TM9SF3: variants seen among roughly 807,000 people sequenced by gnomAD.
The protein encoded by TM9SF3 is transmembrane 9 superfamily member 3, also known as SM-11044-binding protein.
In TM9SF3, 14 loss-of-function variants were observed where a neutral mutation model predicts 78.6. That is an observed-to-expected ratio of 0.18 (90% CI 0.12 to 0.28). TM9SF3 has a LOEUF of 0.28. TM9SF3 is among the 10% of genes least tolerant of loss of function. The pLI, the probability that TM9SF3 is intolerant of heterozygous loss-of-function variation, is 1.00. For missense variants in TM9SF3, 496 were observed against 721.9 expected, an observed-to-expected ratio of 0.69 and a Z score of 3.59; for synonymous variants, 231 against 241.7, an observed-to-expected ratio of 0.96 and a Z score of 0.41.
In TM9SF3 at chr10:96,560,102, C is replaced by T. The variant is rs115328685; in HGVS notation, c.583-366G>A. On this transcript the variant is annotated intron_variant, in intron 4 of 14. Transcript: ENST00000371142. ...ATCTGTACATCTGCCTGGTGTAATT[C>T]TGTCCTGCGTGGCTGTTCTCTTGAG... The T allele has an allele frequency of 1.7e-3, 1,110 of 642,450 alleles. 11 individuals carry two copies. In the African/African-American group the frequency reaches 0.018, roughly 10 times the overall value. The allele number at this position is 642,450 out of a possible 1,614,324, so 39.8% of individuals were successfully genotyped here. A position where few individuals can be genotyped will look rare whatever the true frequency, so the allele number is the denominator to read the frequency against.
At chr10:96,570,210 C>T (rs1182807547) in intron 2 of TM9SF3, among the ~76,000 whole-genome samples, 1 of 152,102 alleles carries the variant, frequency 6.6e-6, no homozygotes, top group African/African-American at 2.4e-5. Context: ...GTGTCCGGCA[C>T]ATAATATGCA....
intron 9 of TM9SF3, among the ~76,000 whole-genome samples, chr10:96,539,242 G>A (rs144750050): frequency 6.6e-6 from 1 of 152,148 alleles, no homozygotes; most frequent in South Asian, 2.1e-4. Flanking sequence ...AGGCCAAGAT[G>A]GGTGGATCAC....
chr10:96,524,701 C>G (rs1327360628), intron 14 of TM9SF3, among the ~76,000 whole-genome samples: 1 of 151,638 alleles, frequency 6.6e-6, no homozygotes, highest in Non-Finnish European at 1.5e-5. Flanking sequence ...CTCATAATAT[C>G]CCACCTTAAT....
chr10:96,571,576 G>C (rs966235579), intron 2 of TM9SF3, among the ~76,000 whole-genome samples: 7 of 152,134 alleles, frequency 4.6e-5, no homozygotes, highest in South Asian at 2.1e-4. Flanking sequence ...GGGAAATACC[G>C]CATGGTGAAG....
rs1456098983 is a variant in TM9SF3, at chr10:96,527,564, A to G, written c.1542-68T>C. The G allele has an allele frequency of 2.3e-6, 3 of 1,288,308 alleles. No individual in the cohort carries two copies. The Admixed American group carries it at 6.6e-5, about 28-fold the overall frequency. 79.8% of individuals were successfully genotyped at this position (1,288,308 alleles called of 1,614,324 possible). ...AATGGCACTAAAACAAAGATTTTAA[A>G]GCAAAGAATTTAATAAAACATCCTT... On this transcript the variant is annotated intron_variant, in intron 12 of 14. Transcript: ENST00000371142.
chr10:96,575,463 G>T (rs1848486163), intron 2 of TM9SF3, among the ~76,000 whole-genome samples: 1 of 151,330 alleles, frequency 6.6e-6, no homozygotes, highest in Middle Eastern at 3.4e-3. Flanking sequence ...ATAAACGGGG[G>T]GATGGGGAGG....
intron 5 of TM9SF3, among the ~76,000 whole-genome samples, chr10:96,558,121 A>C (rs1215053042): frequency 1.3e-5 from 2 of 152,206 alleles, no homozygotes; most frequent in African/African-American, 4.8e-5. Context: ...GTCAATGTCC[A>C]GTGGGGCTAG....
rs76858261 is a variant in TM9SF3 at position 96,579,843 on chromosome 10, T to G, written c.103-3014A>C. On this transcript the variant is annotated intron_variant, in intron 1 of 14. Transcript: ENST00000371142. ...GAGAATAAGTGCTTCCAAGACAAGA[T>G]CAAGAGTTCTCTCTCAAAAGAAAAT... 8.4e-3 allele frequency among the ~76,000 whole-genome samples: 1,285 copies of G among 152,286 alleles called. 22 individuals carry two copies. Among genetic ancestry groups the G allele is most frequent in the African/African-American group, 0.03 (1,231 of 41,554 alleles).
chr10:96,580,087 C>G (rs1848544903), intron 1 of TM9SF3, among the ~76,000 whole-genome samples: 1 of 152,176 alleles, frequency 6.6e-6, no homozygotes. Flanking sequence ...ATAATAATCC[C>G]TTTCATCTGA....
rs1463377013 is a variant in TM9SF3 at position 96,548,054 on chromosome 10, T to C, written c.960-65A>G. 1.0e-5 allele frequency: 10 copies of C among 983,300 alleles called. 1 individual carries two copies. Among genetic ancestry groups the C allele is most frequent in the East Asian group, 2.6e-5 (1 of 38,048 alleles). The allele number at this position is 983,300 out of a possible 1,614,324, so 60.9% of individuals were successfully genotyped here. ...ATTTAAAGAAAACATCATAGTCTATTATATTAGCATTAGTTTAATTTCAAA... is the reference window on the plus strand; with the variant it reads ...ATTTAAAGAAAACATCATAGTCTATCATATTAGCATTAGTTTAATTTCAAA... On this transcript the variant is annotated intron_variant, in intron 7 of 14. Coordinates refer to ENST00000371142, the MANE Select transcript of TM9SF3 (RefSeq NM_020123.4).
intron 10 of TM9SF3, among the ~76,000 whole-genome samples, chr10:96,531,350 C>A (rs117722747): frequency 2.5e-3 from 377 of 152,162 alleles, no homozygotes; most frequent in Non-Finnish European, 3.4e-3. Flanking sequence ...ACTTACCACG[C>A]TATACTGTAA....
chr10:96,551,143 G>T, intron 7 of TM9SF3, 102 bp downstream of exon 7: 1 of 968,434 alleles, frequency 1.0e-6, no homozygotes, highest in Non-Finnish European at 1.5e-6. Context: ...GTAAGATAAA[G>T]GAAATAAGTA....
intron 1 of TM9SF3, 133 bp from the exon 2 acceptor site, chr10:96,576,962 T>G: frequency 1.6e-6 from 1 of 622,746 alleles, no homozygotes; most frequent in East Asian, 3.3e-5. Context: ...TACTGGAAGC[T>G]TAATCTGATG....
intron 2 of TM9SF3, among the ~76,000 whole-genome samples, chr10:96,570,427 A>C (rs1848426317): frequency 6.6e-6 from 1 of 152,216 alleles, no homozygotes; most frequent in African/African-American, 2.4e-5. Context: ...CAATCAGAAA[A>C]ATATATATGC....
At chr10:96,581,840 T>C (rs1490444372) in intron 1 of TM9SF3, among the ~76,000 whole-genome samples, 1 of 152,232 alleles carries the variant, frequency 6.6e-6, no homozygotes, top group Non-Finnish European at 1.5e-5. Context: ...ACGATTCTAG[T>C]AGGCATCCAG....
In TM9SF3 at chr10:96,546,713, C is replaced by T. The variant is rs1171282366; in HGVS notation, c.1054+1182G>A. Among the ~76,000 whole-genome samples the T allele has an allele frequency of 2.0e-5, 3 of 152,100 alleles. No individual in the cohort carries two copies. The South Asian group carries it at 6.2e-4, about 31-fold the overall frequency. ...AATTATCTATACTGAAGGTACAGGT[C>T]ACATTAAGTCTAGGAAGATTAATAA... On this transcript the variant is annotated intron_variant, in intron 8 of 14. Transcript: ENST00000371142.
At chr10:96,535,614 A>G (rs1847948839) in intron 9 of TM9SF3, among the ~76,000 whole-genome samples, 2 of 152,196 alleles carry the variant, frequency 1.3e-5, no homozygotes, top group Admixed American at 1.3e-4. Context: ...TATTGGTGAA[A>G]ACCCTGGAAC....
intron 5 of TM9SF3, among the ~76,000 whole-genome samples, chr10:96,557,312 C>T (rs1228920305): frequency 6.6e-6 from 1 of 151,984 alleles, no homozygotes; most frequent in Non-Finnish European, 1.5e-5. Context: ...CCTCCAAATA[C>T]AGCCCCAGTG....
At chr10:96,555,082 A>C (rs942265127) in intron 5 of TM9SF3, among the ~76,000 whole-genome samples, 2 of 151,902 alleles carry the variant, frequency 1.3e-5, no homozygotes, top group African/African-American at 4.8e-5. Flanking sequence ...AAAGCTATCA[A>C]GGAAATCTTT....
Sources: allele counts gnomAD v4.1 joint callset (sites outside exome capture counted in the v4.1 genomes callset), GRCh38; gene constraint gnomAD v4.1.1; transcripts MANE v1.5; gene names NCBI Gene and HGNC (gene_info 2026-07-23, HGNC 2026-07-21).